Variants in SIPA1L3 observed in about 807,000 individuals in gnomAD.
SIPA1L3 encodes signal-induced proliferation-associated 1-like protein 3.
Under a neutral mutation model 150.1 loss-of-function variants are expected in SIPA1L3, and 59 were observed. That is an observed-to-expected ratio of 0.39 (90% CI 0.32 to 0.49). The LOEUF (loss-of-function observed/expected upper bound fraction) is 0.49. SIPA1L3 is among the 20% of genes least tolerant of loss of function. The probability of loss-of-function intolerance (pLI) is 0.86; values close to 1 mark genes in which losing one functional copy is unlikely to be tolerated. For synonymous variants in SIPA1L3, 1,070 were observed against 1,077.6 expected (o/e 0.99, Z 0.14); for missense variants, 2,211 against 2,489.5 (o/e 0.89, Z 2.38).
At chr19:37,925,405 G>A (rs111344441) in intron 1 of SIPA1L3, among the ~76,000 whole-genome samples, 25 of 152,196 alleles carry the variant, frequency 1.6e-4, no homozygotes, top group African/African-American at 5.8e-4. Flanking sequence ...AACAGCCAGT[G>A]CAAAGGCCCT....
chr19:38,071,136 G>A (rs1163017926), intron 2 of SIPA1L3, among the ~76,000 whole-genome samples: 2 of 152,140 alleles, frequency 1.3e-5, no homozygotes, highest in African/African-American at 4.8e-5. Flanking sequence ...GACCCCAACT[G>A]AGCCAGTGCT....
At chr19:38,152,990 C>T (rs775190425) in intron 13 of SIPA1L3, 23 bp downstream of exon 13, 6 of 1,605,686 alleles carry the variant, frequency 3.7e-6, no homozygotes, top group South Asian at 1.1e-5. Context: ...CCAGCTGCTG[C>T]GCCCACCCGC....
chr19:38,106,087 C>T lies in SIPA1L3; in HGVS notation c.2030-450C>T, dbSNP rs1171749163. 8.1e-5 allele frequency among the ~76,000 whole-genome samples: 12 copies of T among 147,816 alleles called. No individual in the cohort carries two copies. In the Admixed American group the frequency reaches 8.5e-4, roughly 10 times the overall value. ...GGTGGGTACATAGCAATGGGGTTTCCTTTTTATCTAAATGTATTTAATTTT... is the reference window on the plus strand; with the variant it reads ...GGTGGGTACATAGCAATGGGGTTTCTTTTTTATCTAAATGTATTTAATTTT... On this transcript the variant is annotated intron_variant, in intron 6 of 21. Coordinates refer to ENST00000222345, the MANE Select transcript of SIPA1L3 (RefSeq NM_015073.3).
intron 2 of SIPA1L3, among the ~76,000 whole-genome samples, chr19:38,074,048 C>G (rs1279408134): frequency 6.6e-6 from 1 of 152,228 alleles, no homozygotes; most frequent in Non-Finnish European, 1.5e-5. Flanking sequence ...CTGGTTCCTG[C>G]CTATGCTGTG....
chr19:38,049,489 C>G (rs927147564), intron 2 of SIPA1L3, among the ~76,000 whole-genome samples: 8 of 152,288 alleles, frequency 5.3e-5, no homozygotes, highest in Non-Finnish European at 7.3e-5. Context: ...GCTCACGTGT[C>G]TGGTCCCCTG....
intron 4 of SIPA1L3, among the ~76,000 whole-genome samples, chr19:38,093,871 C>T (rs1482934484): frequency 1.3e-5 from 2 of 152,196 alleles, no homozygotes; most frequent in Admixed American, 6.5e-5. Context: ...CCCCAGAGAG[C>T]CTGGACAGGG....
At chr19:38,065,834 C>CTATTTATTTATTTATTTATTTATTTATT (rs74176412) in intron 2 of SIPA1L3, among the ~76,000 whole-genome samples, 47 of 141,084 alleles carry the variant, frequency 3.3e-4, no homozygotes, top group African/African-American at 1.1e-3. Context: ...CTCTACCTTG[C>CTATTTATTTATTTATTTATTTATTTATT]TATTTATTTA....
At chr19:37,907,559 C>T (rs2046344902) in intron 1 of SIPA1L3, 1 of 152,232 alleles carries the variant, frequency 6.6e-6, no homozygotes, top group African/African-American at 2.4e-5. Context: ...CACCCCGGCG[C>T]TGTGGTGAAG....
At chr19:38,101,347 C>A in intron 6 of SIPA1L3, 121 bp downstream of exon 6, 1 of 626,386 alleles carries the variant, frequency 1.6e-6, no homozygotes, top group Non-Finnish European at 2.6e-6. Flanking sequence ...TCTCAGACTT[C>A]ACTTGTAGGA....
intron 2 of SIPA1L3, among the ~76,000 whole-genome samples, chr19:38,051,358 GTTTCATCT>G (rs1230623396): frequency 6.6e-6 from 1 of 152,076 alleles, no homozygotes; most frequent in Non-Finnish European, 1.5e-5. Flanking sequence ...AGACTCTTGG[GTTTCATCT>G]TTTCGTCTTT....
In SIPA1L3 at chr19:38,082,952, G is replaced by A. The variant is rs776656093; in HGVS notation, c.1387G>A (p.Ala463Thr). Residue 463 changes from alanine to threonine, a missense_variant, in exon 3 of 22, where the codon GCC becomes ACC. Transcript: ENST00000222345. The stretch of plus-strand genomic sequence containing the variant: ...CGGCGAGGGCCACCTGGCAGAGCCC[G>A]CCCTGAGCGCCTACCGCACCAACGC... Reference protein sequence around the residue: ...SSGEGHLAEPALSAYRTNASI... With the variant: ...SSGEGHLAEPTLSAYRTNASI... The A allele has an allele frequency of 1.2e-5, 19 of 1,612,806 alleles. No homozygotes were observed. In the African/African-American group the frequency reaches 1.9e-4, roughly 16 times the overall value.
chr19:38,195,292 G>C lies in SIPA1L3; in HGVS notation c.4840+1512G>C, dbSNP rs913248551. Among the ~76,000 whole-genome samples, 31 of 152,150 alleles carry C rather than the reference G, an allele frequency of 2.0e-4. 2 individuals are homozygous for C. On this transcript the variant is annotated intron_variant, in intron 18 of 21. Transcript: ENST00000222345. ...GTCCTTCAGGGCTGGCTCCATTCCT[G>C]CTTTTTCCTGGAAGGCTCCTCTAAG... is the stretch of plus-strand genomic sequence containing the variant.
chr19:37,988,332 A>C (rs1158221804), intron 1 of SIPA1L3, among the ~76,000 whole-genome samples: 1 of 152,164 alleles, frequency 6.6e-6, no homozygotes, highest in African/African-American at 2.4e-5. Context: ...CAGCCTGGGC[A>C]ACATAGACCC....
At chr19:38,023,250 G>A (rs930613932) in intron 1 of SIPA1L3, among the ~76,000 whole-genome samples, 19 of 152,162 alleles carry the variant, frequency 1.2e-4, no homozygotes, top group African/African-American at 4.6e-4. Flanking sequence ...AGGGTGAGGC[G>A]GTGGGGCCGG....
intron 2 of SIPA1L3, among the ~76,000 whole-genome samples, chr19:38,065,411 CTTTTTT>C (rs10718226): frequency 8.2e-6 from 1 of 122,404 alleles, no homozygotes; most frequent in African/African-American, 3.0e-5. Flanking sequence ...CACATGCTGA[CTTTTTT>C]TTTTTTTTTT....
chr19:38,107,427 G>A (rs1443856577), intron 7 of SIPA1L3, among the ~76,000 whole-genome samples: 1 of 152,198 alleles, frequency 6.6e-6, no homozygotes, highest in Non-Finnish European at 1.5e-5. Flanking sequence ...GCAGGAGGCA[G>A]GGATACCAGG....
chr19:37,956,018 G>C (rs1212896815), intron 1 of SIPA1L3, among the ~76,000 whole-genome samples: 5 of 152,216 alleles, frequency 3.3e-5, no homozygotes, highest in Admixed American at 6.5e-5. Flanking sequence ...TCATGATGTT[G>C]TCCAGGCTGG....
chr19:37,962,471 T>TTTTTTTTTG (rs2046868094), intron 1 of SIPA1L3, among the ~76,000 whole-genome samples: 1 of 141,000 alleles, frequency 7.1e-6, no homozygotes, highest in Non-Finnish European at 1.5e-5. Context: ...GCCTTTTTTT[T>TTTTTTTTTG]TTTTTTTTTT....
chr19:38,038,072 A>AT (rs1310973621), intron 2 of SIPA1L3, among the ~76,000 whole-genome samples: 1 of 152,176 alleles, frequency 6.6e-6, no homozygotes, highest in Non-Finnish European at 1.5e-5. Context: ...GTGACAGTGA[A>AT]TTATAGAAGC....
Sources: gnomAD v4.1 joint callset for allele counts (sites outside exome capture counted in the v4.1 genomes callset) on GRCh38, gnomAD v4.1.1 for gene constraint, MANE v1.5 for transcripts, NCBI Gene and HGNC (gene_info 2026-07-23, HGNC 2026-07-21) for gene names.